The following DNM3 variants were observed in gnomAD, a reference collection of about 807,000 sequenced individuals.
The protein encoded by DNM3 is dynamin-3.
A neutral mutation model predicts 101.6 loss-of-function variants in DNM3; 47 were observed. The ratio of observed to expected loss-of-function variants is 0.46; its 90% CI spans 0.37 to 0.59. The LOEUF (loss-of-function observed/expected upper bound fraction) is 0.59, where lower values mean the gene tolerates loss of function less well. Ranked by LOEUF, DNM3 falls within the 20% of genes least tolerant of loss-of-function variation. DNM3 has a pLI of 0.00. For synonymous variants in DNM3, 385 were observed against 387.9 expected (o/e 0.99, Z 0.09); for missense variants, 849 against 1,085.7 (o/e 0.78, Z 3.06).
chr1:171,964,089 A>G (rs1017140499), intron 2 of DNM3, among the ~76,000 whole-genome samples: 1 of 152,188 alleles, frequency 6.6e-6, no homozygotes, highest in Non-Finnish European at 1.5e-5. Flanking sequence ...AGGCCCTAAA[A>G]TAAATCAAAG....
intron 1 of DNM3, among the ~76,000 whole-genome samples, chr1:171,895,820 A>G (rs568611265): frequency 0.021 from 3,129 of 151,232 alleles, 81 homozygotes; most frequent in African/African-American, 0.072. Flanking sequence ...TTTGTATAAG[A>G]TGTAAGGAAG....
At chr1:171,999,741 C>T (rs1409571470) in intron 4 of DNM3, among the ~76,000 whole-genome samples, 1 of 151,966 alleles carries the variant, frequency 6.6e-6, no homozygotes, top group Non-Finnish European at 1.5e-5. Flanking sequence ...ACCCTAAAAT[C>T]CAATAACTGA....
At chr1:172,120,330 G>A (rs913128092) in intron 13 of DNM3, among the ~76,000 whole-genome samples, 4 of 152,012 alleles carry the variant, frequency 2.6e-5, no homozygotes, top group African/African-American at 4.8e-5. Context: ...AACAGCATGG[G>A]AAAGACCCAC....
chr1:172,418,207 A>T (rs2071498153), intron 20 of DNM3: 6 of 1,178,974 alleles, frequency 5.1e-6, no homozygotes, highest in Non-Finnish European at 6.7e-6. Flanking sequence ...TTTATAATTT[A>T]AACATTGTTT....
chr1:172,315,142 G>C (rs905481818), intron 16 of DNM3, among the ~76,000 whole-genome samples: 3 of 152,276 alleles, frequency 2.0e-5, no homozygotes, highest in Admixed American at 6.5e-5. Flanking sequence ...GTCTGGAGTG[G>C]ACCTCTAGCA....
chr1:171,902,472 A>C (rs1376154889), intron 1 of DNM3, among the ~76,000 whole-genome samples: 5 of 152,186 alleles, frequency 3.3e-5, no homozygotes, highest in Admixed American at 3.3e-4. Flanking sequence ...GTCTTTTATA[A>C]TCAAGAGTCT....
intron 14 of DNM3, among the ~76,000 whole-genome samples, chr1:172,215,358 C>T (rs906720969): frequency 2.6e-5 from 4 of 152,030 alleles, no homozygotes; most frequent in Non-Finnish European, 5.9e-5. Flanking sequence ...TGTGCATATG[C>T]CCCGGTGTCC....
At chr1:171,995,188 C>T (rs1326833997) in intron 4 of DNM3, among the ~76,000 whole-genome samples, 2 of 146,228 alleles carry the variant, frequency 1.4e-5, no homozygotes, top group African/African-American at 2.5e-5. Context: ...TCACTGCAAC[C>T]TCTGCCTCCT....
At position 172,336,066 on chromosome 1, in the gene DNM3, A is replaced by T. The variant is rs187971782; in HGVS notation, c.1893+12726A>T. Among the ~76,000 whole-genome samples, 15 of 152,300 alleles carry T rather than the reference A, an allele frequency of 9.8e-5. No homozygotes were observed. In the East Asian group the frequency reaches 2.9e-3, roughly 29 times the overall value. On this transcript the variant is annotated intron_variant, in intron 17 of 20. Coordinates refer to ENST00000627582, the MANE Select transcript of DNM3 (RefSeq NM_015569.5). Reference sequence around the variant, plus strand: ...ATGTCTAAAGACATATTTGATTGTCACAGCCGGGTTGGGGGTGCTACTATC... The same window carrying T: ...ATGTCTAAAGACATATTTGATTGTCTCAGCCGGGTTGGGGGTGCTACTATC...
chr1:172,373,921 A>C (rs1279823930), intron 17 of DNM3, among the ~76,000 whole-genome samples: 1 of 152,046 alleles, frequency 6.6e-6, no homozygotes, highest in African/African-American at 2.4e-5. Flanking sequence ...CTGTAAACTA[A>C]AGGTTTGCCT....
At chr1:172,025,150 G>T (rs887277340) in intron 4 of DNM3, among the ~76,000 whole-genome samples, 1 of 152,202 alleles carries the variant, frequency 6.6e-6, no homozygotes, top group African/African-American at 2.4e-5. Context: ...GCTGGAGTAG[G>T]TGGTTTTCCC....
At chr1:171,976,630 T>C (rs1558359210) in intron 2 of DNM3, among the ~76,000 whole-genome samples, 1 of 152,166 alleles carries the variant, frequency 6.6e-6, no homozygotes, top group South Asian at 2.1e-4. Context: ...AACCATATCA[T>C]TGACATTTAA....
chr1:172,098,060 A>G (rs1296076441), intron 13 of DNM3, among the ~76,000 whole-genome samples: 1 of 152,198 alleles, frequency 6.6e-6, no homozygotes, highest in Non-Finnish European at 1.5e-5. Context: ...AAAATTGCTA[A>G]TGAAATTTCA....
At position 172,130,040 on chromosome 1, in the gene DNM3, G is replaced by A. The variant is rs546970332; in HGVS notation, c.1546-1135G>A. ...GGAGAGAGGCTTGGAAGACAGTGATGAGAACCGTGGTCTATTCCATAATTT... is the reference window on the plus strand; with the variant it reads ...GGAGAGAGGCTTGGAAGACAGTGATAAGAACCGTGGTCTATTCCATAATTT... On this transcript the variant is annotated intron_variant, in intron 13 of 20. Transcript: ENST00000627582. Among the ~76,000 whole-genome samples the A allele has an allele frequency of 1.3e-3, 194 of 152,260 alleles. 1 individual carries two copies. Among genetic ancestry groups the A allele is most frequent in the African/African-American group, 4.5e-3 (187 of 41,560 alleles).
chr1:172,119,739 C>T (rs925879256), intron 13 of DNM3, among the ~76,000 whole-genome samples: 7 of 152,160 alleles, frequency 4.6e-5, no homozygotes, highest in African/African-American at 1.7e-4. Context: ...CCAGACTGAA[C>T]TTATGACTCC....
chr1:172,305,855 T>C (rs1225601456), intron 15 of DNM3, among the ~76,000 whole-genome samples: 1 of 152,184 alleles, frequency 6.6e-6, no homozygotes, highest in African/African-American at 2.4e-5. Context: ...AAACTCTCAA[T>C]TAACTAGGTA....
chr1:172,132,899 C>A, intron 14 of DNM3: 1 of 1,000,856 alleles, frequency 1.0e-6, no homozygotes, highest in Non-Finnish European at 1.6e-6. Context: ...AACATTTAGT[C>A]TTGGCGAGGA....
At chr1:172,245,126 A>C (rs1557874333) in intron 14 of DNM3, among the ~76,000 whole-genome samples, 1 of 152,198 alleles carries the variant, frequency 6.6e-6, no homozygotes, top group African/African-American at 2.4e-5. Context: ...TCTATGATGC[A>C]ACCAAAACTA....
At chr1:172,315,756 G>A (rs576419999) in intron 16 of DNM3, among the ~76,000 whole-genome samples, 35 of 152,290 alleles carry the variant, frequency 2.3e-4, no homozygotes, top group Admixed American at 2.0e-3. Context: ...CCAAATCTGC[G>A]TCTGATTGGT....
Sources: allele counts gnomAD v4.1 joint callset (sites outside exome capture counted in the v4.1 genomes callset), GRCh38; gene constraint gnomAD v4.1.1; transcripts MANE v1.5; gene names NCBI Gene and HGNC (gene_info 2026-07-23, HGNC 2026-07-21).